Variants in ECE1 observed in about 807,000 individuals in gnomAD.
ECE1 encodes the protein endothelin-converting enzyme 1.
ECE1 carries 35 observed loss-of-function variants against 98.6 expected under a neutral mutation model. The observed-to-expected ratio is 0.35, with a 90% CI of 0.27 to 0.47. The LOEUF (loss-of-function observed/expected upper bound fraction) is 0.47. Among genes scored for constraint, ECE1 ranks in the 20% least tolerant of loss-of-function variants. The pLI, the probability that ECE1 is intolerant of heterozygous loss-of-function variation, is 1.00. For missense variants in ECE1, 814 were observed against 1,025.3 expected, an observed-to-expected ratio of 0.79 and a Z score of 2.81; for synonymous variants, 394 against 407.1, an observed-to-expected ratio of 0.97 and a Z score of 0.39.
At chr1:21,315,368 G>C (rs541618871) in intron 1 of ECE1, among the ~76,000 whole-genome samples, 86 of 152,336 alleles carry the variant, frequency 5.6e-4, no homozygotes, top group African/African-American at 2.0e-3. Flanking sequence ...TCAGAGATGA[G>C]CTGTCACTCA....
chr1:21,219,742 C>T lies in ECE1; in HGVS notation c.*213G>A, dbSNP rs2098164954. On this transcript the variant is annotated 3_prime_UTR_variant, in exon 19 of 19. Transcript: ENST00000374893. The surrounding 1 kb of genome is among the most constrained non-coding windows in gnomAD (Gnocchi z 4.5). ...GAATGCCTGCTGAAGGTGGCGCACA[C>T]GTGTGCCTGGGATGTCCGGCTCTTC... 1.1e-5 allele frequency: 7 copies of T among 631,524 alleles called. No individual in the cohort carries two copies. Among genetic ancestry groups the T allele is most frequent in the South Asian group, 5.5e-5 (3 of 54,926 alleles). The allele number at this position is 631,524 out of a possible 1,614,324, so 39.1% of individuals were successfully genotyped here. A position where few individuals can be genotyped will look rare whatever the true frequency, so the allele number is the denominator to read the frequency against.
intron 1 of ECE1, among the ~76,000 whole-genome samples, chr1:21,326,408 C>G (rs1017220297): frequency 1.3e-5 from 2 of 151,886 alleles, no homozygotes; most frequent in African/African-American, 4.8e-5. Context: ...GACAGCAGAG[C>G]CTCCAGTCCC....
In ECE1 at chr1:21,221,804, G is replaced by A. The variant is rs557813906; in HGVS notation, c.2079C>T (p.His693=). 7 of 1,614,214 alleles carry A rather than the reference G, an allele frequency of 4.3e-6. No homozygotes were observed. The East Asian group carries it at 1.1e-4, about 26-fold the overall frequency. Residue 693 remains histidine (H), a synonymous_variant, in exon 18 of 19, where the codon CAC becomes CAT. Transcript: ENST00000374893. ...TGGTGAGGCCCAGGGTGGGGAGCGA[G>A]TGCTCAGCCCCGTTCTTCTTCACCC... ...QNWVKKNGAE[H]SLPTLGLTNN...
chr1:21,246,896 G>T (rs2098204459), intron 9 of ECE1, among the ~76,000 whole-genome samples: 1 of 152,162 alleles, frequency 6.6e-6, no homozygotes, highest in African/African-American at 2.4e-5. Flanking sequence ...GGGACTCAAG[G>T]GATCCTCCTG....
chr1:21,249,330 G>T (rs948651345), intron 8 of ECE1, among the ~76,000 whole-genome samples: 1 of 151,248 alleles, frequency 6.6e-6, no homozygotes, highest in South Asian at 2.1e-4. Flanking sequence ...GCAACAGAGC[G>T]AGACTCCATC....
chr1:21,290,177 C>A lies in ECE1; in HGVS notation c.52-21G>T, dbSNP rs371525001. On this transcript the variant is annotated intron_variant, in intron 1 of 18. Transcript: ENST00000374893. The surrounding 1 kb of genome is among the most constrained non-coding windows in gnomAD (Gnocchi z 7.3). ...GACATCTGCAAGGCCAAATGCAGCA[C>A]GGACTCCCTCAGCGCCTCCATGGCT... 6.5e-7 allele frequency: 1 copy of A among 1,538,400 alleles called. No homozygotes were observed. The highest frequency in any genetic ancestry group is 8.7e-7 in the Non-Finnish European group (1 of 1,144,878).
rs188321067 is a variant in ECE1, at chr1:21,343,069, C to T, written c.3+2307G>A. ...CCTCTGCTCCTCTGTCACACAGGTC[C>T]CCCTCCCGGGACACCCCTTCCAGTT... On this transcript the variant is annotated intron_variant, in intron 1 of 18. Coordinates refer to the ECE1 transcript ENST00000415912. Among the ~76,000 whole-genome samples, 403 of 152,254 alleles carry T rather than the reference C, an allele frequency of 2.6e-3. 1 individual carries two copies. Among genetic ancestry groups the T allele is most frequent in the African/African-American group, 9.1e-3 (380 of 41,552 alleles).
chr1:21,257,553 T>C lies in ECE1; in HGVS notation c.800A>G (p.Tyr267Cys). 1 of 1,614,236 alleles carries C rather than the reference T, an allele frequency of 6.2e-7. No homozygotes were observed. The highest frequency in any genetic ancestry group is 8.5e-7 in the Non-Finnish European group (1 of 1,180,034). ...CTCGTTTTCAGTTTTGTTCAGGTAA[T>C]AGTCTCTCGAGGGCAAGCCCAGGCC... The part of the protein sequence containing the change: ...QSGLGLPSRD[Y>C]YLNKTENEKV... Residue 267 changes from tyrosine (Y) to cysteine (C), a missense_variant, in exon 7 of 19, where the codon TAT becomes TGT. By Grantham distance (194) the Tyr-to-Cys change is radical (BLOSUM62 -2). Transcript: ENST00000374893.
intron 1 of ECE1, among the ~76,000 whole-genome samples, chr1:21,342,187 C>G (rs1639411413): frequency 6.6e-6 from 1 of 152,134 alleles, no homozygotes. Context: ...TCAACTCAGC[C>G]CCAGCTTGGA....
chr1:21,227,856 C>T, intron 15 of ECE1, 75 bp downstream of exon 15: 1 of 1,197,986 alleles, frequency 8.3e-7, no homozygotes, highest in Non-Finnish European at 1.2e-6. Flanking sequence ...CATGGTGAGA[C>T]TGGCTTAGGT....
intron 1 of ECE1, chr1:21,298,960 C>T (rs1638429064): frequency 2.2e-6 from 1 of 449,906 alleles, no homozygotes; most frequent in African/African-American, 2.0e-5. Flanking sequence ...ACAGATGCCC[C>T]TGCACCTCCT....
At chr1:21,289,945 C>CCGGGA in intron 2 of ECE1, 125 bp downstream of exon 2, 1 of 1,193,684 alleles carries the variant, frequency 8.4e-7, no homozygotes, top group South Asian at 2.8e-5. Context: ...CTCCCGGATG[C>CCGGGA]CGGGACGAGG....
rs140158742 is a variant in ECE1, at chr1:21,250,346, C to T, written c.1021-2983G>A. 2.6e-3 allele frequency among the ~76,000 whole-genome samples: 396 copies of T among 152,236 alleles called. 1 individual carries two copies. The highest frequency in any genetic ancestry group is 0.024 in the Middle Eastern group (7 of 294). ...CACACGTACTGCTATTTTTAGTGTG[C>T]GATTTTACAGAACACAAGGTTTTTT... On this transcript the variant is annotated intron_variant, in intron 8 of 18. Transcript: ENST00000374893.
intron 4 of ECE1, among the ~76,000 whole-genome samples, chr1:21,261,798 G>A (rs553673812): frequency 4.5e-4 from 68 of 152,306 alleles, no homozygotes; most frequent in Admixed American, 4.2e-3. Context: ...TCCAGAGGGC[G>A]TTCCATTTGA....
chr1:21,331,364 A>G (rs755664650), intron 1 of ECE1, among the ~76,000 whole-genome samples: 118 of 152,228 alleles, frequency 7.8e-4, no homozygotes, highest in Non-Finnish European at 1.5e-3. Flanking sequence ...AGATCATGCC[A>G]CTGCACTCCA....
At chr1:21,227,354 A>T in intron 15 of ECE1, 128 bp from the exon 16 acceptor site, 1 of 962,586 alleles carries the variant, frequency 1.0e-6, no homozygotes, top group Non-Finnish European at 1.7e-6. Context: ...CTGTGTGGAT[A>T]AGGGTGTGGT....
In ECE1 at chr1:21,260,218, G is replaced by C; in HGVS notation, c.615+53C>G. ...AGAAGGCTGGAGTGGAAGCCAGGGGGCGGGCAGGTGGCATGGGCCGGGGCT... is the reference window on the plus strand; with the variant it reads ...AGAAGGCTGGAGTGGAAGCCAGGGGCCGGGCAGGTGGCATGGGCCGGGGCT... On this transcript the variant is annotated intron_variant, in intron 5 of 18. Coordinates refer to ENST00000374893, the MANE Select transcript of ECE1 (RefSeq NM_001397.3). The surrounding 1 kb of genome is among the most constrained non-coding windows in gnomAD (Gnocchi z 4.3). The C allele has an allele frequency of 6.2e-7, 1 of 1,613,600 alleles. No homozygotes were observed. The highest frequency in any genetic ancestry group is 8.5e-7 in the Non-Finnish European group (1 of 1,179,616).
At chr1:21,263,606 A>T (rs531418080) in intron 4 of ECE1, among the ~76,000 whole-genome samples, 1 of 151,818 alleles carries the variant, frequency 6.6e-6, no homozygotes, top group East Asian at 2.0e-4. Context: ...TGCCCACTTC[A>T]GCCTCCCCAA....
In ECE1 at chr1:21,325,157, C is replaced by T. The variant is rs117967516; in HGVS notation, c.3+20219G>A. Among the ~76,000 whole-genome samples the T allele has an allele frequency of 7.0e-4, 107 of 152,288 alleles. 4 individuals carry two copies. In the East Asian group the frequency reaches 0.02, roughly 28 times the overall value. On this transcript the variant is annotated intron_variant, in intron 1 of 18. Coordinates refer to the ECE1 transcript ENST00000415912. ...AATTTCTTCATTAGCTGACACTAAA[C>T]ACAGAGACGGGGCCCTTGTGACTAG...
Sources: gnomAD v4.1 joint callset for allele counts (sites outside exome capture counted in the v4.1 genomes callset) on GRCh38, gnomAD v4.1.1 for gene constraint, Gnocchi (gnomAD v3.1) non-coding constraint, MANE v1.5 for transcripts, NCBI Gene and HGNC (gene_info 2026-07-23, HGNC 2026-07-21) for gene names.